Variants in CUL2 observed in about 807,000 individuals in gnomAD.
CUL2 encodes cullin-2.
CUL2 carries 22 observed loss-of-function variants against 110.2 expected under a neutral mutation model. The ratio of observed to expected loss-of-function variants is 0.20; its 90% CI spans 0.14 to 0.28. The LOEUF (loss-of-function observed/expected upper bound fraction) is 0.28, where lower values mean the gene tolerates loss of function less well. Among genes scored for constraint, CUL2 ranks in the 10% least tolerant of loss-of-function variants. The pLI, the probability that CUL2 is intolerant of heterozygous loss-of-function variation, is 1.00. For missense variants in CUL2, 631 were observed against 905.5 expected, an observed-to-expected ratio of 0.70 and a Z score of 3.89; for synonymous variants, 279 against 293.2, an observed-to-expected ratio of 0.95 and a Z score of 0.49.
intron 17 of CUL2, among the ~76,000 whole-genome samples, chr10:35,024,562 C>G (rs1463195732): frequency 6.6e-6 from 1 of 152,232 alleles, no homozygotes; most frequent in Non-Finnish European, 1.5e-5. Context: ...ACTCCACACA[C>G]AGTCCACAAT....
In CUL2 at chr10:35,051,485, C is replaced by T. The variant is rs1395757578; in HGVS notation, c.424-1720G>A. ...AAAATTAGCCGGGCGAGGTGGCGGG[C>T]GCCTGTAGTCCCAGCTACTCGGGAG... On this transcript the variant is annotated intron_variant, in intron 5 of 20. Transcript: ENST00000374749. 2.1e-4 allele frequency among the ~76,000 whole-genome samples: 30 copies of T among 142,248 alleles called. No homozygotes were observed. In the Middle Eastern group the frequency reaches 0.014, roughly 65 times the overall value. The allele number at this position is 142,248 out of a possible 152,430, so 93.3% of individuals were successfully genotyped here. A position where few individuals can be genotyped will look rare whatever the true frequency, so the allele number is the denominator to read the frequency against.
At chr10:35,014,089 A>G (rs181914393) in intron 18 of CUL2, among the ~76,000 whole-genome samples, 10 of 152,360 alleles carry the variant, frequency 6.6e-5, no homozygotes, top group Admixed American at 2.6e-4. Flanking sequence ...TTTTGATAAA[A>G]TAAGAGTCAA....
intron 1 of CUL2, among the ~76,000 whole-genome samples, chr10:35,089,466 T>C (rs1260044136): frequency 1.3e-5 from 2 of 152,228 alleles, no homozygotes; most frequent in African/African-American, 2.4e-5. Context: ...TCACAATCTA[T>C]AGCGAACGTT....
chr10:35,096,688 G>C (rs1270575536), intron 2 of CUL2, among the ~76,000 whole-genome samples: 2 of 152,150 alleles, frequency 1.3e-5, no homozygotes, highest in East Asian at 3.8e-4. Context: ...AACAAAATCT[G>C]CTTCCATAAG....
intron 1 of CUL2, among the ~76,000 whole-genome samples, chr10:35,082,216 C>G (rs991152136): frequency 6.6e-6 from 1 of 152,100 alleles, no homozygotes; most frequent in Admixed American, 6.5e-5. Context: ...GACCTTGTCT[C>G]TCAAAATAAA....
At chr10:35,122,925 G>C (rs1589075153) in intron 1 of CUL2, among the ~76,000 whole-genome samples, 1 of 152,212 alleles carries the variant, frequency 6.6e-6, no homozygotes, top group East Asian at 1.9e-4. Context: ...TATAGGCGTG[G>C]GCCACTGTGC....
In CUL2 at chr10:35,031,614, A is replaced by G. The variant is rs752537212; in HGVS notation, c.1176T>C (p.Ala392=). 6.2e-6 allele frequency: 10 copies of G among 1,613,944 alleles called. 1 individual carries two copies. In the South Asian group the frequency reaches 1.1e-4, roughly 18 times the overall value. Residue 392 remains alanine (A), a synonymous_variant, in exon 13 of 21, where the codon GCT becomes GCC. Coordinates refer to ENST00000374749, the MANE Select transcript of CUL2 (RefSeq NM_003591.4). The surrounding 1 kb of genome is among the most constrained non-coding windows in gnomAD (Gnocchi z 4.4). ...TCTTCAGTAAGTTGTCACAGTACTTAGCAAGCTCATGTAGAAATTGATAAT... is the reference window on the plus strand; with the variant it reads ...TCTTCAGTAAGTTGTCACAGTACTTGGCAAGCTCATGTAGAAATTGATAAT... ...KSVCKAPELL[A]KYCDNLLKKS...
chr10:35,071,009 A>C (rs1204051440), intron 2 of CUL2, among the ~76,000 whole-genome samples, 190 bp downstream of exon 2: 1 of 152,196 alleles, frequency 6.6e-6, no homozygotes, highest in African/African-American at 2.4e-5. Context: ...AGTACTCAAC[A>C]AATACTTGTT....
chr10:35,059,048 T>C (rs545108209), intron 4 of CUL2, among the ~76,000 whole-genome samples: 51 of 152,322 alleles, frequency 3.3e-4, no homozygotes, highest in Non-Finnish European at 6.6e-4. Context: ...ATGATATAAC[T>C]TGAATGGATA....
At chr10:35,034,255 G>C (rs148447377) in intron 10 of CUL2, among the ~76,000 whole-genome samples, 4 of 152,018 alleles carry the variant, frequency 2.6e-5, no homozygotes, top group Admixed American at 2.6e-4. Context: ...ATCTATAAAC[G>C]TAATAATGTA....
chr10:35,068,558 C>T (rs2086596272), intron 2 of CUL2, among the ~76,000 whole-genome samples: 2 of 152,080 alleles, frequency 1.3e-5, no homozygotes, highest in Non-Finnish European at 2.9e-5. Flanking sequence ...GGACAATGTT[C>T]TATTGTTCAA....
intron 4 of CUL2, among the ~76,000 whole-genome samples, chr10:35,056,522 G>A (rs1433290301): frequency 1.3e-5 from 2 of 152,092 alleles, no homozygotes; most frequent in Non-Finnish European, 2.9e-5. Context: ...CTAAGTGGCA[G>A]GGCTGGCACA....
intron 1 of CUL2, among the ~76,000 whole-genome samples, chr10:35,120,260 T>A (rs2087662434): frequency 2.0e-5 from 3 of 152,176 alleles, no homozygotes; most frequent in Non-Finnish European, 4.4e-5. Context: ...TGCTTATGAT[T>A]TCAGCTACTA....
At position 35,009,201 on chromosome 10, in the gene CUL2, T is replaced by TATATATATTA. The variant is rs1554851929; in HGVS notation, c.*1109_*1110insTAATATATAT. 3.6e-5 allele frequency: 5 copies of TATATATATTA among 137,894 alleles called. No individual in the cohort carries two copies. Among genetic ancestry groups the TATATATATTA allele is most frequent in the African/African-American group, 1.3e-4 (5 of 37,356 alleles). The allele number at this position is 137,894 out of a possible 1,614,324, so 8.5% of individuals were successfully genotyped here. ...CTGTTGAGATATATATATATATATA[T>TATATATATTA]TATATATATATATATATATAAAATA... On this transcript the variant is annotated 3_prime_UTR_variant, in exon 21 of 21. Coordinates refer to ENST00000374749, the MANE Select transcript of CUL2 (RefSeq NM_003591.4).
At chr10:35,069,804 C>T (rs2086634680) in intron 2 of CUL2, among the ~76,000 whole-genome samples, 1 of 152,198 alleles carries the variant, frequency 6.6e-6, no homozygotes, top group Admixed American at 6.6e-5. Flanking sequence ...CCTCTTCCCT[C>T]TCTGCTCCTT....
At chr10:35,122,019 C>T (rs968233838) in intron 1 of CUL2, among the ~76,000 whole-genome samples, 1 of 152,082 alleles carries the variant, frequency 6.6e-6, no homozygotes, top group Non-Finnish European at 1.5e-5. Context: ...ATGGTATTTC[C>T]CATGTTGGAA....
intron 8 of CUL2, among the ~76,000 whole-genome samples, chr10:35,041,936 T>C (rs928768879): frequency 3.9e-5 from 6 of 152,258 alleles, no homozygotes; most frequent in Admixed American, 3.9e-4. Context: ...ACATATTAAA[T>C]AATTCACCCA....
intron 5 of CUL2, among the ~76,000 whole-genome samples, chr10:35,050,529 T>G (rs759017654): frequency 6.6e-6 from 1 of 152,178 alleles, no homozygotes; most frequent in Non-Finnish European, 1.5e-5. Flanking sequence ...AACATTCCTG[T>G]ATTCACTACC....
chr10:35,088,719 G>A (rs1455909096), intron 1 of CUL2, among the ~76,000 whole-genome samples: 1 of 152,094 alleles, frequency 6.6e-6, no homozygotes, highest in African/African-American at 2.4e-5. Flanking sequence ...ATAGAACACT[G>A]AAAGCCACCA....
Sources: gnomAD v4.1 joint callset for allele counts (sites outside exome capture counted in the v4.1 genomes callset) on GRCh38, gnomAD v4.1.1 for gene constraint, Gnocchi (gnomAD v3.1) non-coding constraint, MANE v1.5 for transcripts, NCBI Gene and HGNC (gene_info 2026-07-23, HGNC 2026-07-21) for gene names.